ABCC4: variants seen among roughly 807,000 people sequenced by gnomAD.
The protein encoded by ABCC4 is ATP binding cassette subfamily C member 4 (PEL blood group), also known as ATP-binding cassette sub-family C member 4.
In ABCC4, 102 loss-of-function variants were observed where a neutral mutation model predicts 168.5. That is an observed-to-expected ratio of 0.61 (90% CI 0.52 to 0.71). ABCC4 has a LOEUF of 0.71. Among genes scored for constraint, ABCC4 ranks in the 30% least tolerant of loss-of-function variants. The pLI, the probability that ABCC4 is intolerant of heterozygous loss-of-function variation, is 0.00. For synonymous variants in ABCC4, 617 were observed against 590.7 expected (o/e 1.04, Z -0.65); for missense variants, 1,402 against 1,605.8 (o/e 0.87, Z 2.17).
At chr13:95,109,593 T>C (rs919916960) in intron 20 of ABCC4, among the ~76,000 whole-genome samples, 9 of 152,360 alleles carry the variant, frequency 5.9e-5, no homozygotes, top group African/African-American at 1.9e-4. Flanking sequence ...ATGGCTGCAC[T>C]GTGAGAAGAG....
chr13:95,176,042 T>C (rs1351102768), intron 13 of ABCC4, among the ~76,000 whole-genome samples: 1 of 151,972 alleles, frequency 6.6e-6, no homozygotes, highest in Non-Finnish European at 1.5e-5. Context: ...AATTGAATCC[T>C]ACTCTCAGCC....
intron 14 of ABCC4, among the ~76,000 whole-genome samples, chr13:95,167,045 C>T (rs1037770942): frequency 2.6e-5 from 4 of 151,822 alleles, no homozygotes; most frequent in African/African-American, 9.7e-5. Flanking sequence ...AAAAATTAGC[C>T]GGGCATCTGT....
chr13:95,234,525 T>C (rs2039708569), intron 4 of ABCC4, 85 bp downstream of exon 4: 1 of 1,118,944 alleles, frequency 8.9e-7, no homozygotes, highest in African/African-American at 1.6e-5. Context: ...TGGCTATTTA[T>C]GCAGTATTTA....
intron 25 of ABCC4, among the ~76,000 whole-genome samples, chr13:95,063,135 A>G (rs922299444): frequency 1.3e-5 from 2 of 152,130 alleles, no homozygotes; most frequent in Non-Finnish European, 2.9e-5. Context: ...TACCACCAAA[A>G]ATGTCACTGA....
At chr13:95,291,117 GCCAA>G (rs1477224268) in intron 1 of ABCC4, among the ~76,000 whole-genome samples, 2 of 152,070 alleles carry the variant, frequency 1.3e-5, no homozygotes, top group Non-Finnish European at 2.9e-5. Context: ...ATTTTGGGAG[GCCAA>G]GGCAGGTGGA....
At chr13:95,093,637 C>A (rs951841959) in intron 20 of ABCC4, among the ~76,000 whole-genome samples, 11 of 152,102 alleles carry the variant, frequency 7.2e-5, no homozygotes, top group African/African-American at 2.7e-4. Context: ...TGGAACAAGA[C>A]AAGGATGCCC....
At chr13:95,108,564 C>G (rs913632096) in intron 20 of ABCC4, among the ~76,000 whole-genome samples, 2 of 152,274 alleles carry the variant, frequency 1.3e-5, no homozygotes, top group South Asian at 4.1e-4. Context: ...GTAAGACATG[C>G]CTTTGCTCCT....
intron 1 of ABCC4, among the ~76,000 whole-genome samples, chr13:95,259,979 CAA>C (rs2040491901): frequency 1.3e-5 from 2 of 149,854 alleles, no homozygotes; most frequent in Non-Finnish European, 3.0e-5. Context: ...CAGAGTTTCT[CAA>C]AGTGTGATCT....
At position 95,247,207 on chromosome 13, in the gene ABCC4, T is replaced by C; in HGVS notation, c.186-112A>G. The C allele has an allele frequency of 2.5e-6, 3 of 1,217,684 alleles. No individual in the cohort carries two copies. In the East Asian group the frequency reaches 7.0e-5, roughly 29 times the overall value. The allele number at this position is 1,217,684 out of a possible 1,614,324, so 75.4% of individuals were successfully genotyped here. A position where few individuals can be genotyped will look rare whatever the true frequency, so the allele number is the denominator to read the frequency against. Reference sequence around the variant, plus strand: ...TAAGACAGGGCATTTTGTGACGATTTCATAAATGCTACTAATTGCTCCCAG... The same window carrying C: ...TAAGACAGGGCATTTTGTGACGATTCCATAAATGCTACTAATTGCTCCCAG... On this transcript the variant is annotated intron_variant, in intron 2 of 30. Transcript: ENST00000645237.
intron 25 of ABCC4, among the ~76,000 whole-genome samples, chr13:95,067,690 T>C (rs2033595950): frequency 1.3e-5 from 2 of 152,074 alleles, no homozygotes; most frequent in Admixed American, 6.6e-5. Context: ...GAGGGGTTTC[T>C]CAGCAAACAT....
intron 1 of ABCC4, among the ~76,000 whole-genome samples, chr13:95,260,013 C>T (rs1217122026): frequency 6.6e-6 from 1 of 152,162 alleles, no homozygotes; most frequent in Admixed American, 6.5e-5. Context: ...GCACCAGAAT[C>T]CCCTGAAGAG....
rs2032914260 is a variant in ABCC4 at position 95,053,217 on chromosome 13, C to T, written c.3367-33G>A. ...CCCAAAATAGTCACGGTCATTACCA[C>T]AGACTCTTTTTTCATTTTATTCCAA... On this transcript the variant is annotated intron_variant, in intron 26 of 30. Transcript: ENST00000645237. 5 of 1,530,718 alleles carry T rather than the reference C, an allele frequency of 3.3e-6. No homozygotes were observed. In the African/African-American group the frequency reaches 6.8e-5, roughly 21 times the overall value. The allele number at this position is 1,530,718 out of a possible 1,614,324, so 94.8% of individuals were successfully genotyped here. A position where few individuals can be genotyped will look rare whatever the true frequency, so the allele number is the denominator to read the frequency against.
chr13:95,221,357 T>C (rs2039305563), intron 4 of ABCC4, among the ~76,000 whole-genome samples: 1 of 152,146 alleles, frequency 6.6e-6, no homozygotes. Flanking sequence ...GCCTCCCAAG[T>C]AGCTGAGACT....
At chr13:95,125,835 G>A (rs1429646718) in intron 19 of ABCC4, among the ~76,000 whole-genome samples, 3 of 152,182 alleles carry the variant, frequency 2.0e-5, no homozygotes, top group Non-Finnish European at 4.4e-5. Flanking sequence ...AGACAGACCA[G>A]GCCATTTCCT....
intron 1 of ABCC4, among the ~76,000 whole-genome samples, chr13:95,259,230 T>C (rs1249721594): frequency 6.6e-6 from 1 of 151,848 alleles, no homozygotes; most frequent in Admixed American, 6.6e-5. Context: ...CTACTAAAAA[T>C]TTAGCCAGGC....
intron 29 of ABCC4, among the ~76,000 whole-genome samples, chr13:95,036,842 G>A (rs922071876): frequency 2.0e-5 from 3 of 152,038 alleles, no homozygotes; most frequent in African/African-American, 7.2e-5. Context: ...CTAGCACTTT[G>A]GGAGGCCAAG....
At chr13:95,027,558 C>A (rs2031608345) in intron 30 of ABCC4, among the ~76,000 whole-genome samples, 1 of 152,082 alleles carries the variant, frequency 6.6e-6, no homozygotes, top group South Asian at 2.1e-4. Flanking sequence ...GAGAAAGTAT[C>A]ATTTAAAGAA....
chr13:95,232,151 G>A (rs1245512928), intron 4 of ABCC4, among the ~76,000 whole-genome samples: 13 of 151,726 alleles, frequency 8.6e-5, no homozygotes, highest in African/African-American at 3.1e-4. Context: ...TGGTGGTGGT[G>A]GTGGTGATGA....
intron 19 of ABCC4, among the ~76,000 whole-genome samples, chr13:95,116,262 A>C (rs2035376647): frequency 6.6e-6 from 1 of 152,154 alleles, no homozygotes; most frequent in African/African-American, 2.4e-5. Context: ...AAATCTTGTG[A>C]CAGTATCAGG....
Sources: gnomAD v4.1 joint callset for allele counts (sites outside exome capture counted in the v4.1 genomes callset) on GRCh38, gnomAD v4.1.1 for gene constraint, MANE v1.5 for transcripts, NCBI Gene and HGNC (gene_info 2026-07-23, HGNC 2026-07-21) for gene names.